EPHA6: variants seen among roughly 807,000 people sequenced by gnomAD.
EPHA6 encodes the protein EPH receptor A6.
EPHA6 carries 50 observed loss-of-function variants against 112.0 expected under a neutral mutation model. The observed-to-expected ratio is 0.45, with a 90% CI of 0.36 to 0.56. EPHA6 has a LOEUF of 0.56. Ranked by LOEUF, EPHA6 falls within the 20% of genes least tolerant of loss-of-function variation. The pLI, the probability that EPHA6 is intolerant of heterozygous loss-of-function variation, is 0.00. For missense variants in EPHA6, 1,280 were observed against 1,417.4 expected (o/e 0.90, Z 1.56); for synonymous variants, 529 against 490.7 (o/e 1.08, Z -1.03).
intron 3 of EPHA6, among the ~76,000 whole-genome samples, chr3:97,069,717 A>C (rs968639671): frequency 7.9e-5 from 12 of 152,166 alleles, no homozygotes; most frequent in African/African-American, 2.9e-4. Flanking sequence ...TATATTTTGA[A>C]TTAAATACAG....
intron 5 of EPHA6, among the ~76,000 whole-genome samples, chr3:97,263,436 TACACAC>T (rs34479594): frequency 4.2e-5 from 6 of 142,234 alleles, no homozygotes; most frequent in African/African-American, 1.0e-4. Context: ...ATTAAAGGGA[TACACAC>T]ACACACACAC....
At chr3:97,214,762 G>A (rs947690795) in intron 3 of EPHA6, among the ~76,000 whole-genome samples, 1 of 152,016 alleles carries the variant, frequency 6.6e-6, no homozygotes, top group African/African-American at 2.4e-5. Flanking sequence ...CTTGGATTTG[G>A]TGAATTTGAG....
At chr3:97,267,955 A>T (rs936823470) in intron 5 of EPHA6, among the ~76,000 whole-genome samples, 3 of 152,118 alleles carry the variant, frequency 2.0e-5, no homozygotes, top group Admixed American at 6.6e-5. Flanking sequence ...TTCCTTGAAT[A>T]AAAAAAGAGT....
At chr3:96,981,509 CTCT>C (rs1298824066) in intron 2 of EPHA6, among the ~76,000 whole-genome samples, 1 of 151,280 alleles carries the variant, frequency 6.6e-6, no homozygotes, top group Non-Finnish European at 1.5e-5. Context: ...GTCTAAAATT[CTCT>C]TTTTTTTTTG....
At chr3:97,692,696 T>C (rs370768601) in intron 14 of EPHA6, among the ~76,000 whole-genome samples, 2 of 152,220 alleles carry the variant, frequency 1.3e-5, no homozygotes, top group South Asian at 2.1e-4. Flanking sequence ...TAGTGGAAAC[T>C]TGCTGAAAAA....
intron 16 of EPHA6, among the ~76,000 whole-genome samples, chr3:97,736,447 TAGAGAGAGAG>T (rs3064321): frequency 6.9e-5 from 9 of 131,334 alleles, no homozygotes; most frequent in Admixed American, 1.6e-4. Flanking sequence ...CCTTTAGAAG[TAGAGAGAGAG>T]AGAGAGAGAG....
chr3:97,684,007 AG>A (rs2032063653), intron 14 of EPHA6, among the ~76,000 whole-genome samples: 1 of 152,170 alleles, frequency 6.6e-6, no homozygotes, highest in African/African-American at 2.4e-5. Context: ...CAACACACTT[AG>A]GTGCTGCTTG....
intron 11 of EPHA6, among the ~76,000 whole-genome samples, chr3:97,541,166 G>A (rs918909956): frequency 3.9e-5 from 6 of 152,206 alleles, no homozygotes; most frequent in African/African-American, 1.4e-4. Context: ...AATCTGGTAA[G>A]GTCCTCATTT....
chr3:97,373,079 C>T (rs1259522503), intron 5 of EPHA6, among the ~76,000 whole-genome samples: 3 of 152,036 alleles, frequency 2.0e-5, no homozygotes, highest in Non-Finnish European at 4.4e-5. Context: ...ACTTGAAATT[C>T]TTTTCTTGGC....
At chr3:97,015,858 A>C (rs1435024640) in intron 3 of EPHA6, among the ~76,000 whole-genome samples, 5 of 152,162 alleles carry the variant, frequency 3.3e-5, no homozygotes, top group Non-Finnish European at 7.3e-5. Context: ...CAAAAACTTC[A>C]CTAATAGCTG....
chr3:97,340,091 A>G (rs2083234044), intron 5 of EPHA6, among the ~76,000 whole-genome samples: 1 of 152,256 alleles, frequency 6.6e-6, no homozygotes. Flanking sequence ...ATGGATATTT[A>G]TAGTCTATTA....
chr3:97,213,092 A>G (rs142012392), intron 3 of EPHA6, among the ~76,000 whole-genome samples: 2 of 152,318 alleles, frequency 1.3e-5, no homozygotes, highest in Non-Finnish European at 2.9e-5. Context: ...GAGTAAGCCC[A>G]AGAGTTCATA....
intron 3 of EPHA6, among the ~76,000 whole-genome samples, chr3:97,116,785 G>A (rs1233957593): frequency 6.6e-6 from 1 of 151,638 alleles, no homozygotes; most frequent in African/African-American, 2.4e-5. Flanking sequence ...GAATAGTGCT[G>A]TGATGAACAA....
At chr3:97,720,738 G>A (rs978973229) in intron 15 of EPHA6, among the ~76,000 whole-genome samples, 6 of 152,070 alleles carry the variant, frequency 3.9e-5, no homozygotes, top group East Asian at 1.9e-4. Flanking sequence ...TTTACTTTTC[G>A]TTTCTTCCTT....
chr3:97,239,035 A>C (rs2078764672), intron 4 of EPHA6, among the ~76,000 whole-genome samples: 1 of 152,000 alleles, frequency 6.6e-6, no homozygotes, highest in African/African-American at 2.4e-5. Context: ...ACATTAATGC[A>C]TAACAAGTTT....
At chr3:97,473,739 C>T (rs555776957) in intron 7 of EPHA6, among the ~76,000 whole-genome samples, 1 of 151,896 alleles carries the variant, frequency 6.6e-6, no homozygotes, top group African/African-American at 2.4e-5. Flanking sequence ...TAGAGCACAA[C>T]ATTCATTCCC....
chr3:97,165,050 G>A (rs1359869322), intron 3 of EPHA6, among the ~76,000 whole-genome samples: 1 of 152,098 alleles, frequency 6.6e-6, no homozygotes, highest in African/African-American at 2.4e-5. Context: ...AGGGCCTCAT[G>A]CTACCATTTC....
intron 1 of EPHA6, among the ~76,000 whole-genome samples, chr3:96,827,495 T>C (rs993292118): frequency 1.3e-5 from 2 of 152,118 alleles, no homozygotes; most frequent in African/African-American, 4.8e-5. Context: ...CAGGTTAATA[T>C]ATCATGCCTC....
rs555376618 is a variant in EPHA6 at position 97,466,260 on chromosome 3, A to G, written c.1895-9092A>G. 438 of 1,108,676 alleles carry G rather than the reference A, an allele frequency of 4.0e-4. 9 individuals are homozygous for G. In the South Asian group the frequency reaches 5.3e-3, roughly 13 times the overall value. The allele number at this position is 1,108,676 out of a possible 1,614,324, so 68.7% of individuals were successfully genotyped here. ...TGTTTATCATCAAAATCAAAAGATG[A>G]CAGTAAGGTTAGATAGAAAACATTC... is the stretch of plus-strand genomic sequence containing the variant. On this transcript the variant is annotated intron_variant, in intron 7 of 17. Transcript: ENST00000389672.
Sources: allele counts gnomAD v4.1 joint callset (sites outside exome capture counted in the v4.1 genomes callset), GRCh38; gene constraint gnomAD v4.1.1; transcripts MANE v1.5; gene names NCBI Gene and HGNC (gene_info 2026-07-23, HGNC 2026-07-21).